The following PBRM1 variants were observed in gnomAD, a reference collection of about 807,000 sequenced individuals.
The protein encoded by PBRM1 is protein polybromo-1.
A neutral mutation model predicts 194.5 loss-of-function variants in PBRM1; 27 were observed. The ratio of observed to expected loss-of-function variants is 0.14; its 90% confidence interval spans 0.10 to 0.19. PBRM1 has a LOEUF of 0.19. Among genes scored for constraint, PBRM1 ranks in the 10% least tolerant of loss-of-function variants. PBRM1 has a pLI of 1.00. For missense variants in PBRM1, 1,466 were observed against 2,077.2 expected (o/e 0.71, Z 5.72); for synonymous variants, 655 against 693.2 (o/e 0.94, Z 0.87).
downstream of PBRM1, chr3:52,547,648 T>G (rs745492792): frequency 1.7e-4 from 40 of 234,226 alleles, no homozygotes; most frequent in Non-Finnish European, 2.7e-4. Flanking sequence ...CTGTAAACTC[T>G]TGTGTGTGTG....
intron 16 of PBRM1, among the ~76,000 whole-genome samples, chr3:52,607,754 T>C (rs2094421961): frequency 2.0e-5 from 3 of 152,330 alleles, no homozygotes; most frequent in South Asian, 2.1e-4. Flanking sequence ...TCAATAAATA[T>C]GTGTTGAATA....
chr3:52,663,598 T>A (rs1217254974), intron 3 of PBRM1, among the ~76,000 whole-genome samples: 1 of 152,150 alleles, frequency 6.6e-6, no homozygotes, highest in South Asian at 2.1e-4. Flanking sequence ...AAATATTGAG[T>A]CCATAGTAAA....
chr3:52,629,087 C>T (rs1385236774), intron 11 of PBRM1, 52 bp from the exon 13 acceptor site: 3 of 1,433,940 alleles, frequency 2.1e-6, no homozygotes, highest in Non-Finnish European at 2.9e-6. Context: ...AATTATGAAA[C>T]ATTCTTCCTG....
intron 22 of PBRM1, among the ~76,000 whole-genome samples, chr3:52,576,104 A>G (rs887459304): frequency 1.3e-5 from 2 of 152,182 alleles, no homozygotes; most frequent in African/African-American, 4.8e-5. Flanking sequence ...GCACCATTAA[A>G]TGTACCAACG....
At chr3:52,561,945 G>A (rs2153494673) in exon 25 of PBRM1, 1 of 1,613,854 alleles carries the variant, frequency 6.2e-7, no homozygotes, top group Non-Finnish European at 8.5e-7. Flanking sequence ...TCTTTGCACT[G>A]CCTTTGGCAG....
chr3:52,570,671 A>T (rs1042740811), intron 22 of PBRM1, among the ~76,000 whole-genome samples: 4 of 152,244 alleles, frequency 2.6e-5, no homozygotes, highest in African/African-American at 9.6e-5. Flanking sequence ...GTATAAAAAA[A>T]TTATCAAGAC....
intron 4 of PBRM1, among the ~76,000 whole-genome samples, chr3:52,659,780 G>A (rs1357436790): frequency 6.6e-6 from 1 of 152,126 alleles, no homozygotes; most frequent in Non-Finnish European, 1.5e-5. Context: ...CTCCCTCCAT[G>A]AGAATCATTG....
chr3:52,640,939 G>A (rs1029667043), intron 10 of PBRM1, among the ~76,000 whole-genome samples: 9 of 152,180 alleles, frequency 5.9e-5, no homozygotes, highest in East Asian at 1.9e-4. Flanking sequence ...ATGCCCGGCC[G>A]TGTGTCACTT....
intron 17 of PBRM1, among the ~76,000 whole-genome samples, chr3:52,597,771 T>G (rs1449535110): frequency 1.3e-5 from 2 of 150,552 alleles, no homozygotes; most frequent in African/African-American, 2.4e-5. Context: ...TAGCACAATC[T>G]CGGCTCACTG....
chr3:52,643,214 G>T, intron 9 of PBRM1, 34 bp downstream of exon 10: 2 of 1,424,824 alleles, frequency 1.4e-6, no homozygotes, highest in Non-Finnish European at 2.0e-6. Context: ...TATAAGCACA[G>T]GTCAACTCTC....
chr3:52,630,550 T>A (rs1464453640), intron 11 of PBRM1, among the ~76,000 whole-genome samples: 1 of 152,246 alleles, frequency 6.6e-6, no homozygotes, highest in Non-Finnish European at 1.5e-5. Context: ...TTCTGTTGAA[T>A]AGCACTGCCC....
At chr3:52,678,263 G>C (rs2097146631) in intron 2 of PBRM1, among the ~76,000 whole-genome samples, 1 of 151,954 alleles carries the variant, frequency 6.6e-6, no homozygotes, top group South Asian at 2.1e-4. Context: ...TCCTGTGCCT[G>C]GCTCAAAAAA....
intron 22 of PBRM1, among the ~76,000 whole-genome samples, chr3:52,576,032 G>C (rs149301695): frequency 3.9e-5 from 6 of 152,116 alleles, no homozygotes; most frequent in Admixed American, 3.9e-4. Context: ...AAGTTATCCA[G>C]TCTGAGGAGC....
chr3:52,685,884 C>T (rs1392722508), upstream of PBRM1: 4 of 620,760 alleles, frequency 6.4e-6, no homozygotes, highest in East Asian at 5.8e-5. Flanking sequence ...CCCTCACCTC[C>T]CTTACCCCTC....
chr3:52,547,998 T>G, exon 30 of PBRM1: 27 of 1,317,168 alleles, frequency 2.0e-5, no homozygotes, highest in Non-Finnish European at 2.9e-5. Flanking sequence ...CCACCCCCAG[T>G]AACTAAAATG....
At chr3:52,661,630 A>G (rs183852708) in intron 4 of PBRM1, among the ~76,000 whole-genome samples, 7 of 152,326 alleles carry the variant, frequency 4.6e-5, no homozygotes, top group Non-Finnish European at 8.8e-5. Context: ...GTGTTAGAAC[A>G]ATAAAAAAGA....
In PBRM1 at chr3:52,609,888, C is replaced by T. The variant is rs370243376; in HGVS notation, c.1992G>A (p.Glu664=). Reference sequence around the variant, plus strand: ...TATAGTTCTTTACAGCTTCATAGACCTCATTTAGTTTCTGCTGCATTGGAG... The same window carrying T: ...TATAGTTCTTTACAGCTTCATAGACTTCATTTAGTTTCTGCTGCATTGGAG... Residue 664 remains glutamate (E), a synonymous_variant, in exon 16 of 30, where the codon GAG becomes GAA. Coordinates refer to ENST00000296302, the Ensembl canonical transcript of PBRM1. This position sits in a 1 kb window ranked among gnomAD's most constrained non-coding sequence, Gnocchi z 4.1. 3.8e-5 allele frequency: 60 copies of T among 1,572,948 alleles called. 5 individuals are homozygous for T. In the Admixed American group the frequency reaches 6.3e-4, roughly 17 times the overall value.
Position 52,675,047 on chromosome 3 carries a change from G to A in PBRM1, c.236+3453C>T, listed in dbSNP as rs781248175. Among the ~76,000 whole-genome samples, 3 of 151,946 alleles carry A rather than the reference G, an allele frequency of 2.0e-5. No individual in the cohort carries two copies. In the East Asian group the frequency reaches 5.8e-4, roughly 29 times the overall value. On this transcript the variant is annotated intron_variant, in intron 2 of 29. Coordinates refer to ENST00000296302, the Ensembl canonical transcript of PBRM1. ...CAAATAACTAAAATCATAAAGAGGA[G>A]ACATTACAACCAATGCCACAAAAAT...
intron 22 of PBRM1, among the ~76,000 whole-genome samples, chr3:52,572,820 T>C (rs2087878397): frequency 6.8e-6 from 1 of 146,820 alleles, no homozygotes; most frequent in South Asian, 2.1e-4. Context: ...AAAACTTCTA[T>C]TTCAGAGACA....
Sources: allele counts gnomAD v4.1 joint callset (sites outside exome capture counted in the v4.1 genomes callset), GRCh38; gene constraint gnomAD v4.1.1; non-coding constraint Gnocchi (gnomAD v3.1); transcripts MANE v1.5; gene names NCBI Gene and HGNC (gene_info 2026-07-23, HGNC 2026-07-21).